LOXHD1: variants seen among roughly 807,000 people sequenced by gnomAD.
LOXHD1 encodes the protein lipoxygenase homology domain-containing protein 1.
LOXHD1 carries 205 observed loss-of-function variants against 248.2 expected under a neutral mutation model. The ratio of observed to expected loss-of-function variants is 0.83; its 90% confidence interval spans 0.74 to 0.93. The LOEUF (loss-of-function observed/expected upper bound fraction) is 0.93, where lower values mean the gene tolerates loss of function less well. Among genes scored for constraint, LOXHD1 ranks in the 40% least tolerant of loss-of-function variants. LOXHD1 has a pLI of 0.00. For synonymous variants in LOXHD1, 1,113 were observed against 1,162.8 expected (o/e 0.96, Z 0.87); for missense variants, 2,930 against 2,971.6 (o/e 0.99, Z 0.33).
chr18:46,535,311 C>A (rs534859576), intron 26 of LOXHD1, among the ~76,000 whole-genome samples: 1 of 152,028 alleles, frequency 6.6e-6, no homozygotes, highest in Admixed American at 6.5e-5. Context: ...TCCTTAGCTG[C>A]AAAATGGGTA....
intron 8 of LOXHD1, 103 bp from the exon 9 acceptor site, chr18:46,594,569 T>C: frequency 1.5e-6 from 2 of 1,362,516 alleles, no homozygotes; most frequent in Admixed American, 2.2e-5. Context: ...ACATCTGTAT[T>C]AGGACTCTCA....
intron 20 of LOXHD1, among the ~76,000 whole-genome samples, chr18:46,558,391 G>A (rs1231685471): frequency 6.6e-6 from 1 of 152,130 alleles, no homozygotes; most frequent in Non-Finnish European, 1.5e-5. Flanking sequence ...TCAACATAAT[G>A]CTATTATATA....
At chr18:46,575,014 C>T (rs2037827860) in intron 14 of LOXHD1, among the ~76,000 whole-genome samples, 1 of 152,244 alleles carries the variant, frequency 6.6e-6, no homozygotes, top group African/African-American at 2.4e-5. Context: ...TAAAGGATCC[C>T]CTGCAGTTCC....
chr18:46,505,827 G>T lies in LOXHD1; in HGVS notation c.5878+11C>A, dbSNP rs1025410659. 1 of 1,551,616 alleles carries T rather than the reference G, an allele frequency of 6.4e-7. No individual in the cohort carries two copies. The highest frequency in any genetic ancestry group is 2.0e-5 in the Admixed American group (1 of 51,002). On this transcript the variant is annotated intron_variant, in intron 37 of 40. Coordinates refer to ENST00000642948, the MANE Select transcript of LOXHD1 (RefSeq NM_001384474.1). ...TGCCCTCCCACCAACCTGGCCTTGA[G>T]TGGGAGCTACCTTTGTTGTCGTGCC...
intron 15 of LOXHD1, among the ~76,000 whole-genome samples, chr18:46,571,126 C>T (rs906947646): frequency 2.6e-5 from 4 of 152,152 alleles, no homozygotes; most frequent in Admixed American, 2.0e-4. Flanking sequence ...AGAAATGGGA[C>T]ACTCTAGTTC....
chr18:46,598,381 G>A (rs1319284713), intron 8 of LOXHD1, among the ~76,000 whole-genome samples: 3 of 151,952 alleles, frequency 2.0e-5, no homozygotes, highest in African/African-American at 4.8e-5. Context: ...ATTAGAAGCA[G>A]CTCCTTTAGT....
At chr18:46,592,471 C>T (rs1418057735) in intron 11 of LOXHD1, 27 bp downstream of exon 11, 17 of 1,534,846 alleles carry the variant, frequency 1.1e-5, no homozygotes, top group Non-Finnish European at 1.4e-5. Flanking sequence ...CCAACAACCT[C>T]CCAAACCCCA....
rs577791221 is a variant in LOXHD1 at position 46,632,692 on chromosome 18, T to C, written c.511+6924A>G. On this transcript the variant is annotated intron_variant, in intron 4 of 40. Coordinates refer to ENST00000642948, the MANE Select transcript of LOXHD1 (RefSeq NM_001384474.1). ...TCACTACACTTCTGGAGCAATTTGA[T>C]AGCCAAGACTCTGTTCCCAGGGATA... 4.6e-5 allele frequency among the ~76,000 whole-genome samples: 7 copies of C among 152,234 alleles called. No individual in the cohort carries two copies. The East Asian group carries it at 1.4e-3, about 30-fold the overall frequency.
chr18:46,557,280 T>C (rs1006738702), intron 21 of LOXHD1, 76 bp downstream of exon 21: 7 of 1,482,592 alleles, frequency 4.7e-6, no homozygotes, highest in Non-Finnish European at 6.4e-6. Flanking sequence ...CCCAGTCTTC[T>C]TCCAGGACTA....
intron 20 of LOXHD1, 115 bp downstream of exon 20, chr18:46,559,333 G>T: frequency 1.3e-6 from 2 of 1,547,930 alleles, no homozygotes; most frequent in Non-Finnish European, 1.7e-6. Flanking sequence ...CTGGTGGGAT[G>T]AACAAGTCAC....
chr18:46,560,048 T>TGCCAACCC, intron 19 of LOXHD1, 35 bp downstream of exon 19: 2 of 1,226,296 alleles, frequency 1.6e-6, no homozygotes, highest in Non-Finnish European at 1.1e-6. Context: ...GTCTGGCCAC[T>TGCCAACCC]CCCTCCCCAC....
At chr18:46,601,805 G>A (rs1009934101) in intron 7 of LOXHD1, 16 of 324,282 alleles carry the variant, frequency 4.9e-5, no homozygotes, top group South Asian at 3.4e-4. Flanking sequence ...ATTACCATGC[G>A]TACATTATTA....
chr18:46,490,694 C>G (rs1003564441), intron 37 of LOXHD1, among the ~76,000 whole-genome samples: 1 of 152,202 alleles, frequency 6.6e-6, no homozygotes, highest in Non-Finnish European at 1.5e-5. Flanking sequence ...AGGCTGGTCT[C>G]GAACTCCCGA....
At position 46,569,471 on chromosome 18, in the gene LOXHD1, A is replaced by C; in HGVS notation, c.2215T>G (p.Phe739Val). ...DYFERGRVDE[F>V]TLETLNIGNI... ...CCAATGTTCAGGGTCTCGAGGGTGA[A>C]CTCATCCACCCGGCCACGTTCAAAG... Residue 739 changes from phenylalanine to valine, a missense_variant, in exon 16 of 41, where the codon TTC becomes GTC. Coordinates refer to ENST00000642948, the MANE Select transcript of LOXHD1 (RefSeq NM_001384474.1). 1 of 1,552,080 alleles carries C rather than the reference A, an allele frequency of 6.4e-7. No homozygotes were observed. The highest frequency in any genetic ancestry group is 8.7e-7 in the Non-Finnish European group (1 of 1,147,082).
intron 38 of LOXHD1, among the ~76,000 whole-genome samples, chr18:46,487,706 G>A (rs74828879): frequency 0.036 from 5,470 of 152,264 alleles, 130 homozygotes; most frequent in South Asian, 0.07. Flanking sequence ...TTGGAGCTGC[G>A]AGCAGCCACC....
intron 31 of LOXHD1, among the ~76,000 whole-genome samples, chr18:46,523,821 C>T (rs2035696311): frequency 1.3e-5 from 2 of 152,132 alleles, no homozygotes; most frequent in South Asian, 2.1e-4. Flanking sequence ...AGGTAAACTG[C>T]AAGCAGACTG....
intron 37 of LOXHD1, among the ~76,000 whole-genome samples, chr18:46,497,914 AC>A (rs1207412980): frequency 6.6e-6 from 1 of 152,208 alleles, no homozygotes; most frequent in African/African-American, 2.4e-5. Context: ...GGCAGGATGC[AC>A]AGTGGGAGTT....
chr18:46,492,687 C>G (rs573986341), intron 37 of LOXHD1, among the ~76,000 whole-genome samples: 2 of 152,204 alleles, frequency 1.3e-5, no homozygotes. Context: ...AAAGTCTCCT[C>G]TTTTAGGGTT....
chr18:46,508,489 C>T (rs1227794460), intron 35 of LOXHD1, among the ~76,000 whole-genome samples: 1 of 152,162 alleles, frequency 6.6e-6, no homozygotes, highest in Non-Finnish European at 1.5e-5. Context: ...TGGCCCAGAA[C>T]AGATGTTTCT....
Sources: allele counts gnomAD v4.1 joint callset (sites outside exome capture counted in the v4.1 genomes callset), GRCh38; gene constraint gnomAD v4.1.1; transcripts MANE v1.5; gene names NCBI Gene and HGNC (gene_info 2026-07-23, HGNC 2026-07-21).